GLRA3: variants seen among roughly 807,000 people sequenced by gnomAD.
GLRA3 encodes the protein glycine receptor subunit alpha-3.
A neutral mutation model predicts 60.4 loss-of-function variants in GLRA3; 44 were observed. The ratio of observed to expected loss-of-function variants is 0.73; its 90% confidence interval spans 0.57 to 0.94. The LOEUF is 0.94. Among genes scored for constraint, GLRA3 ranks in the 40% least tolerant of loss-of-function variants. The pLI is 0.00. For missense variants in GLRA3, 508 were observed against 564.6 expected (o/e 0.90, Z 1.02); for synonymous variants, 223 against 192.9 (o/e 1.16, Z -1.29).
chr4:174,750,004 T>C (rs985686860), intron 3 of GLRA3, among the ~76,000 whole-genome samples: 4 of 152,120 alleles, frequency 2.6e-5, no homozygotes, highest in African/African-American at 9.7e-5. Flanking sequence ...CCATGTATGA[T>C]GAAGGAGGGG....
intron 5 of GLRA3, among the ~76,000 whole-genome samples, chr4:174,701,757 G>T (rs951623777): frequency 6.6e-6 from 1 of 152,152 alleles, no homozygotes; most frequent in African/African-American, 2.4e-5. Context: ...GACTCTGAGG[G>T]GTTTAAGACT....
intron 3 of GLRA3, among the ~76,000 whole-genome samples, chr4:174,757,899 G>A (rs1360917626): frequency 6.6e-6 from 1 of 152,092 alleles, no homozygotes; most frequent in Admixed American, 6.5e-5. Flanking sequence ...GAGATGTTTG[G>A]GTCACGGGGG....
chr4:174,783,932 A>C lies in GLRA3; in HGVS notation c.199+4884T>G, dbSNP rs975196117. Among the ~76,000 whole-genome samples the C allele has an allele frequency of 4.8e-4, 73 of 151,202 alleles. 2 individuals are homozygous for C. The highest frequency in any genetic ancestry group is 2.0e-4 in the East Asian group (1 of 5,094). On this transcript the variant is annotated intron_variant, in intron 2 of 9. Transcript: ENST00000274093. ...TGTGGCGATTCCTCAGGGATCTAGA[A>C]CTAGAAATACCATTTGATCCAGCCA...
chr4:174,728,989 A>G (rs1439058735), intron 3 of GLRA3, among the ~76,000 whole-genome samples: 2 of 152,196 alleles, frequency 1.3e-5, no homozygotes. Context: ...GTTTTTCTGA[A>G]TTATAACAGG....
At chr4:174,775,512 A>G (rs1335191969) in intron 2 of GLRA3, among the ~76,000 whole-genome samples, 1 of 152,194 alleles carries the variant, frequency 6.6e-6, no homozygotes, top group African/African-American at 2.4e-5. Context: ...TGGCCATTGG[A>G]GATAACATAA....
chr4:174,643,839 A>G lies in GLRA3; in HGVS notation c.1342T>C (p.Trp448Arg). Residue 448 changes from tryptophan to arginine, a missense_variant, in exon 10 of 10, where the codon TGG becomes CGG. This residue lies in a region of GLRA3 where 176 missense variants were observed against 197.9 expected (regional missense o/e 0.89). Transcript: ENST00000274093. ...TGCCTAAGAATTTTATAGATAACCC[A>G]GTAGAAAATATTAAAAATCAAAAAA... is the stretch of plus-strand genomic sequence containing the variant. ...LAFLIFNIFY[W>R]VIYKILRHED... 6.2e-7 allele frequency: 1 copy of G among 1,613,808 alleles called. No homozygotes were observed. The highest frequency in any genetic ancestry group is 2.2e-5 in the East Asian group (1 of 44,866).
intron 1 of GLRA3, among the ~76,000 whole-genome samples, chr4:174,806,736 T>C (rs1579638857): frequency 1.3e-5 from 2 of 152,046 alleles, no homozygotes; most frequent in East Asian, 3.8e-4. Context: ...CATCAGTGAA[T>C]TTTGGTATCC....
intron 1 of GLRA3, among the ~76,000 whole-genome samples, chr4:174,802,869 T>C (rs1383866493): frequency 6.6e-6 from 1 of 152,122 alleles, no homozygotes; most frequent in African/African-American, 2.4e-5. Flanking sequence ...AGGCTTGATA[T>C]TGCAGTAGTG....
intron 9 of GLRA3, among the ~76,000 whole-genome samples, chr4:174,655,942 C>A (rs1176794535): frequency 6.6e-6 from 1 of 152,100 alleles, no homozygotes; most frequent in East Asian, 1.9e-4. Flanking sequence ...TGCTTACCTG[C>A]AGTGTACAAT....
intron 5 of GLRA3, among the ~76,000 whole-genome samples, chr4:174,689,495 G>T (rs1465829148): frequency 1.3e-5 from 2 of 151,962 alleles, no homozygotes; most frequent in Non-Finnish European, 2.9e-5. Flanking sequence ...TAGCATTGAA[G>T]TCACGGCTTT....
intron 5 of GLRA3, among the ~76,000 whole-genome samples, chr4:174,696,403 G>T (rs1199883421): frequency 6.7e-6 from 1 of 150,200 alleles, no homozygotes; most frequent in South Asian, 2.1e-4. Context: ...TACTATGAAA[G>T]ATATTGTAAA....
intron 1 of GLRA3, among the ~76,000 whole-genome samples, chr4:174,825,902 A>G (rs116179768): frequency 0.012 from 1,752 of 152,264 alleles, 35 homozygotes; most frequent in African/African-American, 0.04. Flanking sequence ...AAAAATTTGT[A>G]TAGTACGATA....
chr4:174,668,612 T>A (rs1158760780), intron 7 of GLRA3, among the ~76,000 whole-genome samples: 3 of 152,160 alleles, frequency 2.0e-5, no homozygotes, highest in African/African-American at 7.2e-5. Context: ...CAGATGACCA[T>A]TAATCAATGG....
intron 6 of GLRA3, among the ~76,000 whole-genome samples, chr4:174,677,802 A>G (rs1450693396): frequency 6.6e-6 from 1 of 152,238 alleles, no homozygotes; most frequent in Non-Finnish European, 1.5e-5. Context: ...TTTAGGAAAT[A>G]GTAGGAAACT....
chr4:174,760,329 A>T (rs1011789209), intron 3 of GLRA3, among the ~76,000 whole-genome samples: 1 of 152,232 alleles, frequency 6.6e-6, no homozygotes, highest in Non-Finnish European at 1.5e-5. Context: ...GTTGGAGAAC[A>T]TGTAAAACAA....
At chr4:174,758,771 A>T (rs1019120518) in intron 3 of GLRA3, among the ~76,000 whole-genome samples, 1 of 152,120 alleles carries the variant, frequency 6.6e-6, no homozygotes, top group African/African-American at 2.4e-5. Flanking sequence ...TTTCTTGTAG[A>T]CCTAAACTAT....
chr4:174,653,567 T>C (rs138108222), intron 9 of GLRA3, among the ~76,000 whole-genome samples: 314 of 152,000 alleles, frequency 2.1e-3, no homozygotes, highest in Non-Finnish European at 3.6e-3. Context: ...AGTTTGGACA[T>C]TGATAAATGG....
intron 3 of GLRA3, among the ~76,000 whole-genome samples, chr4:174,756,913 C>T (rs949394518): frequency 7.2e-5 from 11 of 152,054 alleles, no homozygotes; most frequent in Non-Finnish European, 1.2e-4. Flanking sequence ...CCCAAAGTGC[C>T]GGGATTACAG....
chr4:174,639,255 C>T lies in GLRA3; in HGVS notation c.*4531G>A, dbSNP rs1179523515. ...GAATGACTGCATGGTTCATATTTTC[C>T]ACCAGGAATCACTTAATATTGCAAA... On this transcript the variant is annotated 3_prime_UTR_variant, in exon 10 of 10. Transcript: ENST00000274093. 3 of 152,010 alleles carry T rather than the reference C, an allele frequency of 2.0e-5. No homozygotes were observed. Among genetic ancestry groups the T allele is most frequent in the East Asian group, 1.9e-4 (1 of 5,182 alleles). 9.4% of individuals were successfully genotyped at this position (152,010 alleles called of 1,614,324 possible). A position where few individuals can be genotyped will look rare whatever the true frequency, so the allele number is the denominator to read the frequency against.
Sources: gnomAD v4.1 joint callset for allele counts (sites outside exome capture counted in the v4.1 genomes callset) on GRCh38, gnomAD v4.1.1 for gene constraint, gnomAD v4.1.1 regional missense constraint, MANE v1.5 for transcripts, NCBI Gene and HGNC (gene_info 2026-07-23, HGNC 2026-07-21) for gene names.